SPMIP2: variants seen among roughly 807,000 people sequenced by gnomAD.
SPMIP2 encodes the protein protein SPMIP2.
chr4:159,041,479 C>A, the SPMIP2 span, among the ~76,000 whole-genome samples: 1 of 152,118 alleles, frequency 6.6e-6, no homozygotes, highest in African/African-American at 2.4e-5. Context: ...TAAGACTGAA[C>A]CCCTTATTTT....
chr4:158,904,558 A>G, the SPMIP2 span: 1 of 1,607,948 alleles, frequency 6.2e-7, no homozygotes, highest in African/African-American at 1.3e-5. Context: ...AAAGCTCAGG[A>G]CAGTTCTTCC....
the SPMIP2 span, among the ~76,000 whole-genome samples, chr4:159,049,647 T>C: frequency 2.6e-5 from 4 of 152,222 alleles, no homozygotes; most frequent in Non-Finnish European, 5.9e-5. Context: ...AATCACTTGT[T>C]TGATTTCAGC....
At chr4:159,032,159 C>T in the SPMIP2 span, among the ~76,000 whole-genome samples, 73,498 of 151,798 alleles carry the variant, frequency 0.48, 18,870 homozygotes, top group African/African-American at 0.65. Flanking sequence ...GAGGGAGAGA[C>T]TGCAGTGAGC....
At chr4:158,928,268 C>T in the SPMIP2 span, among the ~76,000 whole-genome samples, 2 of 151,964 alleles carry the variant, frequency 1.3e-5, no homozygotes, top group African/African-American at 2.4e-5. Context: ...ATGCACCAGT[C>T]GACACTCTGT....
chr4:159,069,883 T>A, the SPMIP2 span, among the ~76,000 whole-genome samples: 4 of 152,306 alleles, frequency 2.6e-5, no homozygotes, highest in African/African-American at 9.6e-5. Flanking sequence ...AAGAATGGCT[T>A]CCACCTGTCT....
chr4:159,070,891 C>T, the SPMIP2 span, among the ~76,000 whole-genome samples: 1 of 152,174 alleles, frequency 6.6e-6, no homozygotes, highest in Non-Finnish European at 1.5e-5. Flanking sequence ...CAGGCGAGAA[C>T]TCATCCTCTA....
At chr4:158,917,358 C>T in the SPMIP2 span, among the ~76,000 whole-genome samples, 63 of 150,402 alleles carry the variant, frequency 4.2e-4, no homozygotes, top group Admixed American at 7.3e-4. Context: ...ACCTGGGAGG[C>T]GGAGGTTGCA....
At chr4:158,991,902 C>CT in the SPMIP2 span, among the ~76,000 whole-genome samples, 2 of 152,010 alleles carry the variant, frequency 1.3e-5, no homozygotes, top group Non-Finnish European at 2.9e-5. Flanking sequence ...TCAGAAAATA[C>CT]TTTTTTTCCT....
At chr4:158,988,282 G>A in the SPMIP2 span, among the ~76,000 whole-genome samples, 1 of 152,150 alleles carries the variant, frequency 6.6e-6, no homozygotes, top group Non-Finnish European at 1.5e-5. Flanking sequence ...TCCAGGACCA[G>A]ACAGATTCAC....
At chr4:159,007,785 C>A in the SPMIP2 span, 1 of 583,276 alleles carries the variant, frequency 1.7e-6, no homozygotes. Flanking sequence ...CAGCAGCAAC[C>A]TGGAGAAAAT....
At chr4:159,048,881 A>AT in the SPMIP2 span, among the ~76,000 whole-genome samples, 6 of 151,622 alleles carry the variant, frequency 4.0e-5, no homozygotes, top group African/African-American at 1.5e-4. Context: ...AATAATTATT[A>AT]TTTTTTAAAA....
At chr4:158,981,613 G>A in the SPMIP2 span, among the ~76,000 whole-genome samples, 3 of 152,044 alleles carry the variant, frequency 2.0e-5, no homozygotes, top group Non-Finnish European at 2.9e-5. Context: ...ACTAAGCTTT[G>A]TAAGTGAAGG....
the SPMIP2 span, among the ~76,000 whole-genome samples, chr4:158,975,150 G>C: frequency 1.7e-5 from 2 of 118,138 alleles, no homozygotes; most frequent in Admixed American, 1.9e-4. Context: ...TTTTTGATGG[G>C]GTTGTTTTTT....
At chr4:159,044,368 CAAAA>C in the SPMIP2 span, among the ~76,000 whole-genome samples, 36,314 of 99,230 alleles carry the variant, frequency 0.37, 4,738 homozygotes, top group East Asian at 0.6. Context: ...GACTCCATCT[CAAAA>C]AAAAAAAAAA....
the SPMIP2 span, among the ~76,000 whole-genome samples, chr4:158,939,932 G>A: frequency 6.6e-6 from 1 of 152,112 alleles, no homozygotes; most frequent in Non-Finnish European, 1.5e-5. Flanking sequence ...AGCATGTTCC[G>A]AGGTCATCTT....
At chr4:158,976,719 C>T in the SPMIP2 span, among the ~76,000 whole-genome samples, 1 of 125,440 alleles carries the variant, frequency 8.0e-6, no homozygotes, top group Non-Finnish European at 1.6e-5. Context: ...GGCTGGAGTG[C>T]AGTGGCATCT....
At chr4:159,000,456 T>G in the SPMIP2 span, among the ~76,000 whole-genome samples, 114 of 151,956 alleles carry the variant, frequency 7.5e-4, no homozygotes, top group African/African-American at 2.6e-3. Context: ...CATCGAATCA[T>G]ACAGTATGCA....
the SPMIP2 span, among the ~76,000 whole-genome samples, chr4:158,999,852 A>G: frequency 6.6e-6 from 1 of 152,196 alleles, no homozygotes; most frequent in East Asian, 1.9e-4. Flanking sequence ...TTAAGGATTT[A>G]TTTTCCCATC....
the SPMIP2 span, among the ~76,000 whole-genome samples, chr4:158,909,992 A>C: frequency 6.6e-6 from 1 of 151,912 alleles, no homozygotes; most frequent in Non-Finnish European, 1.5e-5. Flanking sequence ...CAGTGAGCTG[A>C]GATTGTGCCA....
Sources: gnomAD v4.1 joint callset for allele counts (sites outside exome capture counted in the v4.1 genomes callset) on GRCh38, gnomAD v4.1.1 for gene constraint, MANE v1.5 for transcripts, NCBI Gene and HGNC (gene_info 2026-07-23, HGNC 2026-07-21) for gene names.